The following TPD52 variants were observed in gnomAD, a reference collection of about 807,000 sequenced individuals.
The protein encoded by TPD52 is prostate and colon associated protein.
A neutral mutation model predicts 31.3 loss-of-function variants in TPD52; 17 were observed. That is an observed-to-expected ratio of 0.54 (90% confidence interval 0.37 to 0.82). The LOEUF (loss-of-function observed/expected upper bound fraction) is 0.82, where lower values mean the gene tolerates loss of function less well. Among genes scored for constraint, TPD52 ranks in the 40% least tolerant of loss-of-function variants. The probability of loss-of-function intolerance (pLI) is 0.00; values close to 1 mark genes in which losing one functional copy is unlikely to be tolerated. For missense variants in TPD52, 212 were observed against 240.1 expected (o/e 0.88, Z 0.77); for synonymous variants, 83 against 89.6 (o/e 0.93, Z 0.42).
At chr8:80,114,499 T>C (rs1275155447) in intron 1 of TPD52, among the ~76,000 whole-genome samples, 4 of 152,094 alleles carry the variant, frequency 2.6e-5, no homozygotes, top group Non-Finnish European at 4.4e-5. Context: ...ACATAAATAT[T>C]TGTTGCATTA....
At chr8:80,085,030 G>A (rs1354922258) in intron 1 of TPD52, among the ~76,000 whole-genome samples, 1 of 152,182 alleles carries the variant, frequency 6.6e-6, no homozygotes, top group East Asian at 1.9e-4. Flanking sequence ...AATTTTATAT[G>A]GAAAGGTACT....
chr8:80,151,327 A>C (rs1203018281), intron 1 of TPD52, among the ~76,000 whole-genome samples: 2 of 152,262 alleles, frequency 1.3e-5, no homozygotes, highest in Non-Finnish European at 2.9e-5. Context: ...ATGTGAGAAC[A>C]GACTATTACA....
rs1173208051 is a variant in TPD52 at position 80,035,651 on chromosome 8, C to T, written c.*2465G>A. On this transcript the variant is annotated 3_prime_UTR_variant, in exon 8 of 8. Coordinates refer to ENST00000518937, the MANE Select transcript of TPD52 (RefSeq NM_001025253.3). The stretch of plus-strand genomic sequence containing the variant: ...GCTAAGGTGATAATCCAGTTTTGAG[C>T]TCTACTCTCTTCCACTGACTACTTG... 6.6e-6 allele frequency: 1 copy of T among 152,184 alleles called. No homozygotes were observed. Among genetic ancestry groups the T allele is most frequent in the African/African-American group, 2.4e-5 (1 of 41,444 alleles). 9.4% of individuals were successfully genotyped at this position (152,184 alleles called of 1,614,324 possible).
intron 1 of TPD52, among the ~76,000 whole-genome samples, chr8:80,094,512 A>G (rs1197112995): frequency 7.2e-6 from 1 of 138,748 alleles, no homozygotes; most frequent in African/African-American, 2.6e-5. Flanking sequence ...TGAGGGAGAC[A>G]TAAAGATTGT....
At chr8:80,061,058 G>A (rs144614811) in intron 2 of TPD52, among the ~76,000 whole-genome samples, 44 of 152,234 alleles carry the variant, frequency 2.9e-4, no homozygotes, top group African/African-American at 1.1e-3. Context: ...TTCATATATA[G>A]AAAATCCTAA....
chr8:80,041,744 T>A (rs58732235), intron 7 of TPD52, among the ~76,000 whole-genome samples: 1 of 123,736 alleles, frequency 8.1e-6, no homozygotes, highest in Non-Finnish European at 1.5e-5. Flanking sequence ...ATGGCATCAT[T>A]ATAATAAAAA....
intron 1 of TPD52, among the ~76,000 whole-genome samples, chr8:80,087,209 G>T (rs557475166): frequency 6.6e-6 from 1 of 152,244 alleles, no homozygotes; most frequent in African/African-American, 2.4e-5. Context: ...ACATAAGTAA[G>T]TGTGTGCCAT....
chr8:80,073,157 T>A (rs542679254), intron 1 of TPD52, among the ~76,000 whole-genome samples: 59 of 152,092 alleles, frequency 3.9e-4, no homozygotes, highest in African/African-American at 1.1e-3. Flanking sequence ...TCAAAAAAAA[T>A]TTTTGTTTAA....
chr8:80,125,721 G>A (rs939415587), intron 1 of TPD52, among the ~76,000 whole-genome samples: 3 of 152,014 alleles, frequency 2.0e-5, no homozygotes, highest in Non-Finnish European at 4.4e-5. Flanking sequence ...CCAATTTTAA[G>A]GTCCTAAAGA....
At chr8:80,117,099 A>G (rs188805330) in intron 1 of TPD52, among the ~76,000 whole-genome samples, 1 of 152,306 alleles carries the variant, frequency 6.6e-6, no homozygotes, top group Non-Finnish European at 1.5e-5. Flanking sequence ...CAGAAAGGGT[A>G]TTTGTTCTTA....
At chr8:80,149,110 T>A (rs1260899247) in intron 1 of TPD52, among the ~76,000 whole-genome samples, 2 of 152,134 alleles carry the variant, frequency 1.3e-5, no homozygotes, top group African/African-American at 4.8e-5. Flanking sequence ...ATAGGTGATA[T>A]AGTTTGGCTG....
chr8:80,167,009 T>C (rs1301303409), intron 1 of TPD52, among the ~76,000 whole-genome samples: 1 of 152,208 alleles, frequency 6.6e-6, no homozygotes, highest in Non-Finnish European at 1.5e-5. Context: ...GGATTATGGG[T>C]AATTTTCTTT....
intron 2 of TPD52, among the ~76,000 whole-genome samples, chr8:80,056,830 T>C (rs917857089): frequency 6.6e-6 from 1 of 152,188 alleles, no homozygotes; most frequent in African/African-American, 2.4e-5. Context: ...AGCTACCATA[T>C]GACCCAGCAA....
chr8:80,062,941 C>T (rs1812703535), intron 2 of TPD52, among the ~76,000 whole-genome samples: 1 of 151,988 alleles, frequency 6.6e-6, no homozygotes. Flanking sequence ...GCACAATCAC[C>T]AACCCACAAA....
Position 80,043,909 on chromosome 8 carries a change from A to G in TPD52, c.455+258T>C, listed in dbSNP as rs528347112. On this transcript the variant is annotated intron_variant, in intron 6 of 7. Coordinates refer to ENST00000518937, the MANE Select transcript of TPD52 (RefSeq NM_001025253.3). ...AACAAGTAGTGCTCACTTTGTGAAC[A>G]GATTTCAGACAGGAAACAAAGGTTT... Among the ~76,000 whole-genome samples the G allele has an allele frequency of 3.9e-5, 6 of 152,368 alleles. No individual in the cohort carries two copies. The South Asian group carries it at 1.2e-3, about 32-fold the overall frequency.
intron 1 of TPD52, among the ~76,000 whole-genome samples, chr8:80,099,653 G>T (rs1183258010): frequency 2.0e-5 from 3 of 152,016 alleles, no homozygotes. Flanking sequence ...TGGGACTACA[G>T]GAGCGTGACA....
intron 7 of TPD52, chr8:80,042,363 A>G (rs1810473229): frequency 1.0e-6 from 1 of 985,370 alleles, no homozygotes; most frequent in Non-Finnish European, 1.2e-6. Context: ...AAAGCAGCAC[A>G]AATTTCTAAA....
intron 1 of TPD52, among the ~76,000 whole-genome samples, chr8:80,155,952 G>A (rs1445239137): frequency 6.6e-6 from 1 of 152,002 alleles, no homozygotes; most frequent in Non-Finnish European, 1.5e-5. Flanking sequence ...TGGAGATGAT[G>A]CATTTGTTTG....
chr8:80,129,225 AT>A (rs1808846946), intron 1 of TPD52, among the ~76,000 whole-genome samples: 1 of 152,180 alleles, frequency 6.6e-6, no homozygotes, highest in Non-Finnish European at 1.5e-5. Flanking sequence ...TCTTTTTAAA[AT>A]TTTTAAAAAA....
Sources: allele counts gnomAD v4.1 joint callset (sites outside exome capture counted in the v4.1 genomes callset), GRCh38; gene constraint gnomAD v4.1.1; transcripts MANE v1.5; gene names NCBI Gene and HGNC (gene_info 2026-07-23, HGNC 2026-07-21).